Variants in TRPV3 observed in about 807,000 individuals in gnomAD.
TRPV3 encodes the protein transient receptor potential cation channel subfamily V member 3.
A neutral mutation model predicts 87.1 loss-of-function variants in TRPV3; 88 were observed. The ratio of observed to expected loss-of-function variants is 1.01; its 90% confidence interval spans 0.85 to 1.21. The LOEUF is 1.21. Among genes scored for constraint, TRPV3 ranks in the 50% most tolerant of loss-of-function variants. The pLI is 0.00. For synonymous variants in TRPV3, 438 were observed against 423.3 expected, an observed-to-expected ratio of 1.03 and a Z score of -0.43; for missense variants, 1,054 against 1,030.1, an observed-to-expected ratio of 1.02 and a Z score of -0.32.
intron 14 of TRPV3, among the ~76,000 whole-genome samples, chr17:3,519,412 G>GATTA (rs2074213743): frequency 1.4e-5 from 2 of 142,496 alleles, no homozygotes; most frequent in African/African-American, 5.7e-5. Flanking sequence ...ATGGATGGAT[G>GATTA]GATGGATGAT....
At chr17:3,548,324 G>A (rs2074544141) in intron 2 of TRPV3, among the ~76,000 whole-genome samples, 1 of 152,190 alleles carries the variant, frequency 6.6e-6, no homozygotes, top group Non-Finnish European at 1.5e-5. Context: ...TGGAGAAGCA[G>A]CTCATCCATG....
At chr17:3,527,652 T>G in intron 11 of TRPV3, 3 of 269,156 alleles carry the variant, frequency 1.1e-5, no homozygotes, top group South Asian at 4.1e-5. Flanking sequence ...GAAAGATGGT[T>G]GGATAAAGGA....
At chr17:3,541,283 G>A (rs1211400386) in intron 6 of TRPV3, among the ~76,000 whole-genome samples, 3 of 152,158 alleles carry the variant, frequency 2.0e-5, no homozygotes, top group Non-Finnish European at 2.9e-5. Flanking sequence ...CAGGAGAATC[G>A]CTTGAACCTG....
At chr17:3,514,063 G>T in intron 17 of TRPV3, 52 bp from the exon 18 acceptor site, 1 of 1,435,956 alleles carries the variant, frequency 7.0e-7, no homozygotes, top group East Asian at 2.4e-5. Flanking sequence ...TGCATAGTGT[G>T]TTTCTTTTTT....
rs760543645 is a variant in TRPV3 at position 3,543,665 on chromosome 17, T to A, written c.312-37A>T. On this transcript the variant is annotated intron_variant, in intron 4 of 17. Coordinates refer to ENST00000576742, the MANE Select transcript of TRPV3 (RefSeq NM_145068.4). The stretch of plus-strand genomic sequence containing the variant: ...AAATGTTTCCAACTCAACACACACA[T>A]CCTCTCAAGCTCAATCTCTCCTTTT... 4 of 1,610,592 alleles carry A rather than the reference T, an allele frequency of 2.5e-6. No homozygotes were observed. The African/African-American group carries it at 5.3e-5, about 21-fold the overall frequency.
In TRPV3 at chr17:3,532,794, A is replaced by G. The variant is rs942044651; in HGVS notation, c.928T>C (p.Phe310Leu). 3.7e-6 allele frequency: 6 copies of G among 1,614,114 alleles called. No individual in the cohort carries two copies. Among genetic ancestry groups the G allele is most frequent in the Non-Finnish European group, 5.1e-6 (6 of 1,180,044 alleles). The change falls in exon 8 of 18, where the codon TTC (phenylalanine) becomes CTC (leucine). Residue 310 changes from phenylalanine to leucine, a missense_variant. Transcript: ENST00000576742. Reference protein sequence around the residue: ...LHALVTVAEDFKTQNDFVKRM... With the variant: ...LHALVTVAEDLKTQNDFVKRM... ...TTCACAAAGTCATTCTGCGTCTTGAAGTCCTCGGCCACGGTCACCAGGGCG... is the reference window on the plus strand; with the variant it reads ...TTCACAAAGTCATTCTGCGTCTTGAGGTCCTCGGCCACGGTCACCAGGGCG...
At chr17:3,526,203 C>T (rs747756434) in intron 12 of TRPV3, among the ~76,000 whole-genome samples, 5 of 152,132 alleles carry the variant, frequency 3.3e-5, no homozygotes, top group African/African-American at 4.8e-5. Context: ...AAGAGGCCGG[C>T]GCAGGAGCTC....
chr17:3,534,477 G>T (rs1472642550), intron 7 of TRPV3, among the ~76,000 whole-genome samples: 1 of 152,060 alleles, frequency 6.6e-6, no homozygotes, highest in Non-Finnish European at 1.5e-5. Context: ...TGGCAGGAGG[G>T]GTCTCCTCTG....
intron 1 of TRPV3, among the ~76,000 whole-genome samples, chr17:3,555,854 C>A (rs931908851): frequency 6.6e-6 from 1 of 151,988 alleles, no homozygotes; most frequent in Non-Finnish European, 1.5e-5. Context: ...GCAGGCTGGG[C>A]CCTGTATAGT....
Position 3,518,232 on chromosome 17 carries a change from G to A in TRPV3, c.2085+344C>T, listed in dbSNP as rs1296196319. Among the ~76,000 whole-genome samples the A allele has an allele frequency of 6.6e-6, 1 of 152,124 alleles. No individual in the cohort carries two copies. Among genetic ancestry groups the A allele is most frequent in the Non-Finnish European group, 1.5e-5 (1 of 68,032 alleles). ...AGCATGTAAGAAGTGTTCAGGCCAG[G>A]ATAGAATAGAGCAGAACTGTCACCT... On this transcript the variant is annotated intron_variant, in intron 15 of 17. Coordinates refer to ENST00000576742, the MANE Select transcript of TRPV3 (RefSeq NM_145068.4). The surrounding 1 kb of genome is among the most constrained non-coding windows in gnomAD (Gnocchi z 4.3).
chr17:3,536,792 A>C (rs541923974), intron 6 of TRPV3, among the ~76,000 whole-genome samples: 1 of 152,274 alleles, frequency 6.6e-6, no homozygotes, highest in African/African-American at 2.4e-5. Flanking sequence ...TGACACAGCA[A>C]GAGGAAAGAA....
At chr17:3,526,752 G>A (rs73977756) in intron 12 of TRPV3, 102 bp downstream of exon 12, 12,386 of 920,656 alleles carry the variant, frequency 0.013, 203 homozygotes, top group East Asian at 0.054. Flanking sequence ...CTGGGACACC[G>A]TGGCACAGTA....
chr17:3,532,592 G>GTTA, intron 8 of TRPV3, 65 bp downstream of exon 8: 4 of 1,574,760 alleles, frequency 2.5e-6, no homozygotes, highest in Non-Finnish European at 3.5e-6. Flanking sequence ...CCCCGGGGCT[G>GTTA]AGAGGGTGGC....
At chr17:3,533,970 G>C (rs1471894940) in intron 7 of TRPV3, among the ~76,000 whole-genome samples, 1 of 152,144 alleles carries the variant, frequency 6.6e-6, no homozygotes, top group African/African-American at 2.4e-5. Flanking sequence ...GCCTGATGTA[G>C]ACAGTAAGTG....
intron 1 of TRPV3, among the ~76,000 whole-genome samples, chr17:3,555,597 T>G (rs952374235): frequency 6.6e-6 from 1 of 152,134 alleles, no homozygotes; most frequent in African/African-American, 2.4e-5. Context: ...AGTCCAGACC[T>G]GCTTTACTGA....
chr17:3,550,691 A>AT, intron 2 of TRPV3, among the ~76,000 whole-genome samples: 1 of 151,572 alleles, frequency 6.6e-6, no homozygotes, highest in Non-Finnish European at 1.5e-5. Flanking sequence ...CACCTGGCTA[A>AT]TTTTTTGTAT....
chr17:3,537,975 G>C (rs1244690796), intron 6 of TRPV3, among the ~76,000 whole-genome samples: 1 of 149,816 alleles, frequency 6.7e-6, no homozygotes, highest in Admixed American at 6.7e-5. Flanking sequence ...GAGGCGGGCA[G>C]ATCACGAGGT....
chr17:3,524,754 T>TCCAC (rs2074279862), intron 12 of TRPV3, among the ~76,000 whole-genome samples: 1 of 148,108 alleles, frequency 6.8e-6, no homozygotes, highest in Non-Finnish European at 1.5e-5. Context: ...GGAGAAACGC[T>TCCAC]TCAGGCCAGG....
chr17:3,527,954 G>T, intron 11 of TRPV3, 71 bp downstream of exon 11: 3 of 1,185,874 alleles, frequency 2.5e-6, no homozygotes, highest in Non-Finnish European at 3.8e-6. Context: ...TAATGGCAGA[G>T]CAGAGAGGGA....
Sources: gnomAD v4.1 joint callset for allele counts (sites outside exome capture counted in the v4.1 genomes callset) on GRCh38, gnomAD v4.1.1 for gene constraint, Gnocchi (gnomAD v3.1) non-coding constraint, MANE v1.5 for transcripts, NCBI Gene and HGNC (gene_info 2026-07-23, HGNC 2026-07-21) for gene names.